PPFIBP2: variants seen among roughly 807,000 people sequenced by gnomAD.
PPFIBP2 encodes PPFIB scaffold protein 2, also known as liprin-beta-2.
Under a neutral mutation model 118.3 loss-of-function variants are expected in PPFIBP2, and 118 were observed. The observed-to-expected ratio is 1.00, with a 90% confidence interval of 0.86 to 1.16. The LOEUF is 1.16. PPFIBP2 is among the 50% of genes most tolerant of loss of function. PPFIBP2 has a pLI of 0.00. For synonymous variants in PPFIBP2, 414 were observed against 397.4 expected, an observed-to-expected ratio of 1.04 and a Z score of -0.50; for missense variants, 1,195 against 1,073.1, an observed-to-expected ratio of 1.11 and a Z score of -1.59.
chr11:7,562,871 T>C (rs1476370523), intron 2 of PPFIBP2, among the ~76,000 whole-genome samples: 9 of 149,628 alleles, frequency 6.0e-5, no homozygotes. Flanking sequence ...TTATTGACTA[T>C]TGGTTTTGTT....
intron 6 of PPFIBP2, among the ~76,000 whole-genome samples, chr11:7,611,022 C>T (rs996368853): frequency 4.6e-5 from 7 of 152,212 alleles, no homozygotes; most frequent in African/African-American, 1.7e-4. Flanking sequence ...ACTCAGAGCT[C>T]CTTTGAGAGC....
chr11:7,635,831 G>A (rs1289453411), intron 14 of PPFIBP2, among the ~76,000 whole-genome samples: 1 of 152,010 alleles, frequency 6.6e-6, no homozygotes, highest in Non-Finnish European at 1.5e-5. Context: ...CATTTTATAG[G>A]CTCAGAGAAA....
intron 6 of PPFIBP2, chr11:7,617,203 G>A: frequency 1.0e-6 from 1 of 985,456 alleles, no homozygotes; most frequent in Non-Finnish European, 1.2e-6. Flanking sequence ...CTGTTACTCA[G>A]TAGGGACCAC....
At chr11:7,538,026 G>T (rs1375612095) in intron 1 of PPFIBP2, among the ~76,000 whole-genome samples, 2 of 152,198 alleles carry the variant, frequency 1.3e-5, no homozygotes, top group Non-Finnish European at 2.9e-5. Context: ...AGAAATAGGT[G>T]AGAAGAGTCA....
chr11:7,664,060 T>G, the PPFIBP2 span, among the ~76,000 whole-genome samples: 1 of 152,138 alleles, frequency 6.6e-6, no homozygotes, highest in Non-Finnish European at 1.5e-5. Context: ...CACTCCCTAG[T>G]GAGATGAACC....
intron 1 of PPFIBP2, among the ~76,000 whole-genome samples, chr11:7,537,049 T>A (rs759625632): frequency 2.0e-5 from 3 of 151,930 alleles, no homozygotes; most frequent in Non-Finnish European, 4.4e-5. Flanking sequence ...TTGAGAAGGA[T>A]CCTTCCTTCA....
chr11:7,621,623 T>C (rs1590649873), intron 7 of PPFIBP2, among the ~76,000 whole-genome samples: 1 of 152,334 alleles, frequency 6.6e-6, no homozygotes. Flanking sequence ...AGTGCAGAGA[T>C]CAAAACTAGT....
chr11:7,617,819 G>A (rs1170114565), intron 6 of PPFIBP2, among the ~76,000 whole-genome samples: 1 of 152,156 alleles, frequency 6.6e-6, no homozygotes, highest in East Asian at 1.9e-4. Flanking sequence ...TGAATTTCCA[G>A]GAAAAATCCC....
At chr11:7,549,404 T>A in intron 1 of PPFIBP2, 36 bp from the exon 2 acceptor site, 1 of 1,532,206 alleles carries the variant, frequency 6.5e-7, no homozygotes. Flanking sequence ...TGGAACTCTC[T>A]GTAATTTTTC....
chr11:7,649,272 G>T (rs1433030281), intron 20 of PPFIBP2, 37 bp downstream of exon 20: 1 of 1,561,260 alleles, frequency 6.4e-7, no homozygotes, highest in South Asian at 1.1e-5. Context: ...AGTTGTCCCT[G>T]TGAGCACTCA....
At chr11:7,519,946 A>G (rs573344643) in intron 1 of PPFIBP2, among the ~76,000 whole-genome samples, 2 of 152,304 alleles carry the variant, frequency 1.3e-5, no homozygotes, top group South Asian at 4.1e-4. Context: ...CTGCATGCAC[A>G]GAGAGGCGAC....
intron 1 of PPFIBP2, among the ~76,000 whole-genome samples, chr11:7,530,206 C>A (rs1019566782): frequency 6.6e-6 from 1 of 152,132 alleles, no homozygotes; most frequent in Non-Finnish European, 1.5e-5. Context: ...TTTATTCTGT[C>A]CTCTTTCTTA....
intron 5 of PPFIBP2, among the ~76,000 whole-genome samples, chr11:7,600,829 C>G (rs1861296864): frequency 6.6e-6 from 1 of 152,214 alleles, no homozygotes; most frequent in Non-Finnish European, 1.5e-5. Flanking sequence ...ACAAGAGACT[C>G]AAAATCCAGA....
At chr11:7,596,771 A>G (rs1031302897) in intron 4 of PPFIBP2, among the ~76,000 whole-genome samples, 2 of 152,214 alleles carry the variant, frequency 1.3e-5, no homozygotes, top group African/African-American at 4.8e-5. Flanking sequence ...GCTTTGAACC[A>G]TCTCTTAATA....
chr11:7,656,756 T>C (rs1007843888), downstream of PPFIBP2: 2 of 1,289,744 alleles, frequency 1.6e-6, no homozygotes, highest in African/African-American at 3.0e-5. Context: ...AGCTGCTGAA[T>C]GACTCTCGCC....
At chr11:7,648,312 G>C (rs1188229289) in intron 17 of PPFIBP2, 75 bp from the exon 18 acceptor site, 4 of 1,466,690 alleles carry the variant, frequency 2.7e-6, no homozygotes, top group East Asian at 4.6e-5. Context: ...CTTTTCTTTT[G>C]TTTGTGAGAC....
intron 1 of PPFIBP2, among the ~76,000 whole-genome samples, chr11:7,522,099 G>A (rs957588043): frequency 5.3e-5 from 8 of 152,218 alleles, no homozygotes; most frequent in African/African-American, 1.7e-4. Flanking sequence ...TGGAGGGACA[G>A]GGAGGAACTT....
At chr11:7,649,747 C>T in intron 21 of PPFIBP2, 93 bp downstream of exon 21, 1 of 1,533,528 alleles carries the variant, frequency 6.5e-7, no homozygotes, top group Non-Finnish European at 8.9e-7. Context: ...CATAAAAGCA[C>T]TGTTTTTTGC....
chr11:7,560,295 A>G (rs1291644502), intron 2 of PPFIBP2, among the ~76,000 whole-genome samples: 1 of 152,236 alleles, frequency 6.6e-6, no homozygotes. Flanking sequence ...CCCTGTGCAA[A>G]CTAAATGTCA....
Sources: gnomAD v4.1 joint callset for allele counts (sites outside exome capture counted in the v4.1 genomes callset) on GRCh38, gnomAD v4.1.1 for gene constraint, MANE v1.5 for transcripts, NCBI Gene and HGNC (gene_info 2026-07-23, HGNC 2026-07-21) for gene names.